RNLS: variants seen among roughly 807,000 people sequenced by gnomAD.
RNLS encodes the protein renalase.
RNLS carries 39 observed loss-of-function variants against 39.8 expected under a neutral mutation model. The observed-to-expected ratio is 0.98, with a 90% CI of 0.76 to 1.28. The LOEUF (loss-of-function observed/expected upper bound fraction) is 1.28. Among genes scored for constraint, RNLS ranks in the 50% most tolerant of loss-of-function variants. RNLS has a pLI of 0.00. For missense variants in RNLS, 410 were observed against 413.3 expected (o/e 0.99, Z 0.07); for synonymous variants, 147 against 150.7 (o/e 0.98, Z 0.18).
At position 88,382,450 on chromosome 10, in the gene RNLS, T is replaced by G. The variant is rs531657889; in HGVS notation, c.527-19725A>C. Among the ~76,000 whole-genome samples, 11 of 152,258 alleles carry G rather than the reference T, an allele frequency of 7.2e-5. No homozygotes were observed. The South Asian group carries it at 2.3e-3, about 32-fold the overall frequency. On this transcript the variant is annotated intron_variant, in intron 4 of 6. Transcript: ENST00000331772. ...TGAATATATCATCACAGTAGAATTT[T>G]TTCACAAAAATAAAAAGTGCAAATA...
intron 3 of RNLS, among the ~76,000 whole-genome samples, chr10:88,574,489 A>T (rs1850037964): frequency 6.6e-6 from 1 of 152,294 alleles, no homozygotes; most frequent in Non-Finnish European, 1.5e-5. Flanking sequence ...TTTGACATTG[A>T]TTCAAAATAT....
At chr10:88,479,828 G>T (rs1187255827) in intron 4 of RNLS, among the ~76,000 whole-genome samples, 1 of 147,050 alleles carries the variant, frequency 6.8e-6, no homozygotes, top group Non-Finnish European at 1.5e-5. Context: ...CTTTCTAAAA[G>T]GTATAGTAGA....
Position 88,289,525 on chromosome 10 carries a change from C to T in RNLS, c.877-4019G>A, listed in dbSNP as rs771850773. Among the ~76,000 whole-genome samples the T allele has an allele frequency of 4.6e-4, 70 of 152,236 alleles. 1 individual carries two copies. In the Middle Eastern group the frequency reaches 0.01, roughly 22 times the overall value. ...TTGCTCAGCCAGGCAAGGTCAATGC[C>T]TTTTCAGCATGTTATTTCTATCTAT... On this transcript the variant is annotated intron_variant, in intron 6 of 6. Coordinates refer to ENST00000331772, the MANE Select transcript of RNLS (RefSeq NM_001031709.3).
At chr10:88,545,475 G>A (rs562848659) in intron 4 of RNLS, 1 of 456,056 alleles carries the variant, frequency 2.2e-6, no homozygotes, top group Non-Finnish European at 4.4e-6. Flanking sequence ...AGGCAAGACA[G>A]CATATGTACA....
chr10:88,498,946 A>T (rs1463724084), intron 4 of RNLS, among the ~76,000 whole-genome samples: 10 of 152,180 alleles, frequency 6.6e-5, no homozygotes, highest in Non-Finnish European at 1.5e-4. Flanking sequence ...AACTTTGATT[A>T]GATCTTGGTT....
intron 4 of RNLS, among the ~76,000 whole-genome samples, chr10:88,451,475 G>C (rs1842358106): frequency 6.6e-6 from 1 of 152,216 alleles, no homozygotes; most frequent in South Asian, 2.1e-4. Context: ...AAATGTCAAA[G>C]AGAGAAGGGA....
intron 5 of RNLS, among the ~76,000 whole-genome samples, chr10:88,341,951 T>G (rs1373576404): frequency 6.6e-6 from 1 of 152,172 alleles, no homozygotes; most frequent in African/African-American, 2.4e-5. Context: ...TCACCACATA[T>G]TCTAGGTGCT....
chr10:88,235,290 AAGAAAG>A, the RNLS span, among the ~76,000 whole-genome samples: 11 of 150,636 alleles, frequency 7.3e-5, no homozygotes, highest in South Asian at 2.3e-3. Flanking sequence ...AAAAAAAAAA[AAGAAAG>A]AAATCCCTAA....
intron 4 of RNLS, among the ~76,000 whole-genome samples, chr10:88,435,506 T>A (rs1473889303): frequency 6.6e-6 from 1 of 151,922 alleles, no homozygotes; most frequent in Non-Finnish European, 1.5e-5. Context: ...GTAGAACTAG[T>A]AGAATACTTC....
chr10:88,530,353 A>G (rs968118389), intron 4 of RNLS, among the ~76,000 whole-genome samples: 1 of 151,968 alleles, frequency 6.6e-6, no homozygotes, highest in African/African-American at 2.4e-5. Context: ...AATACATTAA[A>G]CTTATTTCTA....
chr10:88,574,389 T>C (rs1850030781), intron 3 of RNLS, among the ~76,000 whole-genome samples: 1 of 152,164 alleles, frequency 6.6e-6, no homozygotes, highest in Non-Finnish European at 1.5e-5. Flanking sequence ...CTAAAGTTCA[T>C]CCCAAAGCTT....
intron 5 of RNLS, among the ~76,000 whole-genome samples, chr10:88,353,010 G>A (rs994868218): frequency 6.6e-6 from 1 of 152,200 alleles, no homozygotes; most frequent in African/African-American, 2.4e-5. Flanking sequence ...AGTATTCTGT[G>A]ATGGTACTTG....
the RNLS span, among the ~76,000 whole-genome samples, chr10:88,236,393 A>G: frequency 1.3e-5 from 2 of 152,228 alleles, no homozygotes; most frequent in Non-Finnish European, 2.9e-5. Context: ...GGGAAACACT[A>G]TTTTATAAGC....
At chr10:88,252,677 A>C in the RNLS span, among the ~76,000 whole-genome samples, 1 of 58,684 alleles carries the variant, frequency 1.7e-5, no homozygotes, top group Non-Finnish European at 3.7e-5. Context: ...TCCTGTGAAC[A>C]TCAATCAGCC....
chr10:88,204,191 T>G, the RNLS span, among the ~76,000 whole-genome samples: 1 of 152,108 alleles, frequency 6.6e-6, no homozygotes, highest in African/African-American at 2.4e-5. Context: ...TGCCTTTTCT[T>G]ATAGTGATTT....
At chr10:88,496,861 T>C (rs1006577882) in intron 4 of RNLS, among the ~76,000 whole-genome samples, 44 of 152,252 alleles carry the variant, frequency 2.9e-4, no homozygotes, top group African/African-American at 1.1e-3. Context: ...AGGGATACTA[T>C]GTGGAACTCT....
At chr10:88,235,269 A>G in the RNLS span, among the ~76,000 whole-genome samples, 1 of 127,288 alleles carries the variant, frequency 7.9e-6, no homozygotes, top group African/African-American at 2.8e-5. Context: ...CTCTATCTCA[A>G]AAAAAAAAAA....
chr10:88,205,149 A>G, the RNLS span, among the ~76,000 whole-genome samples: 1 of 152,148 alleles, frequency 6.6e-6, no homozygotes, highest in Admixed American at 6.6e-5. Flanking sequence ...TTCACAGACA[A>G]GTGGCAGGGC....
chr10:88,201,294 T>G, the RNLS span, among the ~76,000 whole-genome samples: 1 of 152,140 alleles, frequency 6.6e-6, no homozygotes, highest in African/African-American at 2.4e-5. Context: ...CATGGACCAG[T>G]GGGTTTTAGT....
Sources: gnomAD v4.1 joint callset for allele counts (sites outside exome capture counted in the v4.1 genomes callset) on GRCh38, gnomAD v4.1.1 for gene constraint, MANE v1.5 for transcripts, NCBI Gene and HGNC (gene_info 2026-07-23, HGNC 2026-07-21) for gene names.